The following LRIG2 variants were observed in gnomAD, a reference collection of about 807,000 sequenced individuals.
LRIG2 encodes the protein leucine-rich repeats and immunoglobulin-like domains protein 2.
A neutral mutation model predicts 107.8 loss-of-function variants in LRIG2; 93 were observed. The observed-to-expected ratio is 0.86, with a 90% CI of 0.73 to 1.03. The LOEUF is 1.03. Among genes scored for constraint, LRIG2 ranks in the 50% least tolerant of loss-of-function variants. The pLI is 0.00. For missense variants in LRIG2, 1,226 were observed against 1,296.0 expected, an observed-to-expected ratio of 0.95 and a Z score of 0.83; for synonymous variants, 471 against 470.6, an observed-to-expected ratio of 1.00 and a Z score of -0.01.
chr1:113,098,211 T>C (rs2101040649), intron 8 of LRIG2, among the ~76,000 whole-genome samples: 1 of 152,340 alleles, frequency 6.6e-6, no homozygotes, highest in Middle Eastern at 3.4e-3. Context: ...CCATGGGGCA[T>C]CTTTAATTGC....
At position 113,125,455 on chromosome 1, in the gene LRIG2, T is replaced by TCTCC. The variant is rs35747502; in HGVS notation, c.*1359_*1362dup. 0.22 allele frequency: 33,851 copies of TCTCC among 151,876 alleles called. 4,753 individuals carry two copies. The highest frequency in any genetic ancestry group is 0.41 in the African/African-American group (16,765 of 41,298). 9.4% of individuals were successfully genotyped at this position (151,876 alleles called of 1,614,324 possible). A position where few individuals can be genotyped will look rare whatever the true frequency, so the allele number is the denominator to read the frequency against. ...GGAAATTCCTTTCATTTCCTCCCCCTCTCCCTCCTTCCCTCTTTTTTTTTA... is the reference window on the plus strand; with the variant it reads ...GGAAATTCCTTTCATTTCCTCCCCCTCTCCCTCCCTCCTTCCCTCTTTTTTTTTA... On this transcript the variant is annotated 3_prime_UTR_variant, in exon 18 of 18. Coordinates refer to ENST00000361127, the MANE Select transcript of LRIG2 (RefSeq NM_014813.3).
Position 113,073,559 on chromosome 1 carries a change from T to C in LRIG2, c.153T>C (p.Ile51=), listed in dbSNP as rs756905247. 1 of 1,614,036 alleles carries C rather than the reference T, an allele frequency of 6.2e-7. No homozygotes were observed. The highest frequency in any genetic ancestry group is 1.7e-5 in the Admixed American group (1 of 60,020). ...GCCCCGCGCCCTGCTCCTGCCGCAT[T>C]CCTCTCCTGGACTGCAGTCGCAGGA... ...GLCPAPCSCR[I]PLLDCSRRKL... The change falls in exon 1 of 18, where the codon ATT becomes ATC. Residue 51 remains isoleucine, a synonymous_variant. Transcript: ENST00000361127.
chr1:113,099,255 T>TTTTTTTTTTTTTTCAG (rs59585603), intron 9 of LRIG2, among the ~76,000 whole-genome samples: 1 of 148,668 alleles, frequency 6.7e-6, no homozygotes, highest in Non-Finnish European at 1.5e-5. Context: ...TTTTTTTTTT[T>TTTTTTTTTTTTTTCAG]GAGACAGGGT....
rs1239285805 is a variant in LRIG2 at position 113,119,409 on chromosome 1, G to A, written c.2857G>A (p.Asp953Asn). The change falls in exon 17 of 18, where the codon GAT (aspartate) becomes AAT (asparagine). Residue 953 changes from aspartate to asparagine, a missense_variant. Asp to Asn is a conservative substitution (Grantham distance 23). Transcript: ENST00000361127. ...KETYLVHPPQ[D>N]TTALESLIPS... ...GACATATTTAGTACATCCTCCCCAG[G>A]ATACTACTGCCCTAGAGAGCCTGAT... The A allele has an allele frequency of 6.2e-7, 1 of 1,614,048 alleles. No individual in the cohort carries two copies.
rs556385817 is a variant in LRIG2, at chr1:113,095,820, T to C, written c.804-54T>C. ...GAAAAACTTAAGATTTAAAGCTAGT[T>C]ATTGAACTGCCTTGTTTTGGAACGT... On this transcript the variant is annotated intron_variant, in intron 6 of 17. Transcript: ENST00000361127. 827 of 1,598,802 alleles carry C rather than the reference T, an allele frequency of 5.2e-4. 2 individuals carry two copies. The highest frequency in any genetic ancestry group is 5.9e-4 in the Non-Finnish European group (690 of 1,167,052).
rs146003521 is a variant in LRIG2 at position 113,100,422 on chromosome 1, A to C, written c.1247A>C (p.Asp416Ala). The C allele has an allele frequency of 6.5e-7, 1 of 1,528,196 alleles. No individual in the cohort carries two copies. The highest frequency in any genetic ancestry group is 9.0e-7 in the Non-Finnish European group (1 of 1,106,730). The allele number at this position is 1,528,196 out of a possible 1,614,324, so 94.7% of individuals were successfully genotyped here. Residue 416 changes from aspartate to alanine, a missense_variant and splice_region_variant, in exon 11 of 18, where the codon GAT becomes GCT. Around this residue, in one of 3 missense-constraint regions of LRIG2, gnomAD observed 570 missense variants for 550.2 expected, o/e 1.04. Transcript: ENST00000361127. ...FIGLESLEHL[D>A]LNNNAIMSIQ... Reference sequence around the variant, plus strand: ...TGTTTCATTTCTCTTTATTTCAGAGATTTGAACAATAATGCTATAATGTCT... The same window carrying C: ...TGTTTCATTTCTCTTTATTTCAGAGCTTTGAACAATAATGCTATAATGTCT...
chr1:113,107,481 G>A, intron 11 of LRIG2, 113 bp from the exon 12 acceptor site: 1 of 968,256 alleles, frequency 1.0e-6, no homozygotes, highest in Admixed American at 3.0e-5. Context: ...CATGATTTAT[G>A]TTAAATGTTT....
chr1:113,077,991 T>C (rs1010424275), intron 1 of LRIG2, among the ~76,000 whole-genome samples: 12 of 150,360 alleles, frequency 8.0e-5, no homozygotes, highest in African/African-American at 2.9e-4. Context: ...TGGTGTTTGG[T>C]TTTTTGTCCT....
chr1:113,094,977 T>C (rs1370831040), intron 6 of LRIG2, among the ~76,000 whole-genome samples: 1 of 65,916 alleles, frequency 1.5e-5, no homozygotes, highest in Admixed American at 2.3e-4. Context: ...TTTATATATA[T>C]ATATATATTT....
intron 1 of LRIG2, among the ~76,000 whole-genome samples, chr1:113,076,906 CACAT>C (rs1653003672): frequency 6.6e-6 from 1 of 152,140 alleles, no homozygotes; most frequent in Non-Finnish European, 1.5e-5. Flanking sequence ...TGATTACACA[CACAT>C]ACACAGCATT....
At chr1:113,082,613 G>T (rs1487457405) in intron 1 of LRIG2, among the ~76,000 whole-genome samples, 2 of 152,094 alleles carry the variant, frequency 1.3e-5, no homozygotes, top group Non-Finnish European at 2.9e-5. Context: ...TGTAGGGGAG[G>T]TGTCACGCTA....
chr1:113,108,054 C>G (rs1654612116), intron 12 of LRIG2, among the ~76,000 whole-genome samples: 1 of 151,960 alleles, frequency 6.6e-6, no homozygotes, highest in Admixed American at 6.6e-5. Flanking sequence ...AAAAAGATAG[C>G]ACTAGTTTAA....
chr1:113,102,278 A>AT (rs1557909389), intron 11 of LRIG2, among the ~76,000 whole-genome samples: 23 of 144,892 alleles, frequency 1.6e-4, no homozygotes, highest in Non-Finnish European at 2.0e-4. Flanking sequence ...TTTTTAATTT[A>AT]TTTTTTTTTT....
Position 113,094,766 on chromosome 1 carries a change from G to T in LRIG2, c.803+11G>T. 3.1e-6 allele frequency: 5 copies of T among 1,606,500 alleles called. No individual in the cohort carries two copies. Among genetic ancestry groups the T allele is most frequent in the Non-Finnish European group, 4.3e-6 (5 of 1,174,852 alleles). ...TAACATGGAAGAACTGTAAGTACTC[G>T]GGACTAGAGGTGATTATTAGGAAAG... On this transcript the variant is annotated intron_variant, in intron 6 of 17. Transcript: ENST00000361127.
At position 113,091,340 on chromosome 1, in the gene LRIG2, T is replaced by C. The variant is rs1409826065; in HGVS notation, c.262T>C (p.Ser88Pro). ...AILDFSHNRL[S>P]NWNISLESQT... is the part of the protein sequence containing the mutation. The stretch of plus-strand genomic sequence containing the variant: ...CAGGGATTTCAGTCATAATCGGTTG[T>C]CTAACTGGAACATCAGCTTGGAATC... Residue 88 changes from serine (S) to proline (P), a missense_variant, in exon 2 of 18, where the codon TCT becomes CCT. Physicochemically the swap from Ser to Pro is moderately conservative, Grantham distance 74. Coordinates refer to ENST00000361127, the MANE Select transcript of LRIG2 (RefSeq NM_014813.3). The C allele has an allele frequency of 2.5e-6, 4 of 1,606,856 alleles. No individual in the cohort carries two copies. The highest frequency in any genetic ancestry group is 3.4e-6 in the Non-Finnish European group (4 of 1,175,524).
intron 12 of LRIG2, among the ~76,000 whole-genome samples, chr1:113,108,049 G>A (rs1260012202): frequency 2.0e-5 from 3 of 152,070 alleles, no homozygotes; most frequent in Non-Finnish European, 4.4e-5. Flanking sequence ...TTTCCAAAAA[G>A]ATAGCACTAG....
intron 4 of LRIG2, 108 bp downstream of exon 4, chr1:113,093,672 T>C (rs1286003246): frequency 5.2e-6 from 3 of 577,780 alleles, no homozygotes; most frequent in Non-Finnish European, 8.9e-6. Flanking sequence ...TACCTAATGC[T>C]AGATGACGAG....
Position 113,116,443 on chromosome 1 carries a change from A to C in LRIG2, c.2680+7A>C. 6.3e-7 allele frequency: 1 copy of C among 1,587,564 alleles called. No individual in the cohort carries two copies. The highest frequency in any genetic ancestry group is 8.6e-7 in the Non-Finnish European group (1 of 1,163,182). On this transcript the variant is annotated splice_region_variant and intron_variant, in intron 16 of 17. Coordinates refer to ENST00000361127, the MANE Select transcript of LRIG2 (RefSeq NM_014813.3). ...ATACACAAAGGCACTGACGGTAATG[A>C]CTCTGTTGTTTATGGTTACAATTTC... is the stretch of plus-strand genomic sequence containing the variant.
rs1557912594 is a variant in LRIG2, at chr1:113,107,758, G to C, written c.1477+1G>C. ...GTGGATCTGAAAGATTTTGTCTGTG[G>C]TTTGTATTTTTGTTTTAAAATTTTA... On this transcript the variant is annotated splice_donor_variant, in intron 12 of 17. Coordinates refer to ENST00000361127, the MANE Select transcript of LRIG2 (RefSeq NM_014813.3). LOFTEE classifies it high-confidence loss of function. 6.2e-7 allele frequency: 1 copy of C among 1,610,908 alleles called. No individual in the cohort carries two copies. The highest frequency in any genetic ancestry group is 1.7e-4 in the Middle Eastern group (1 of 6,054).
Sources: gnomAD v4.1 joint callset for allele counts (sites outside exome capture counted in the v4.1 genomes callset) on GRCh38, gnomAD v4.1.1 for gene constraint, gnomAD v4.1.1 regional missense constraint, MANE v1.5 for transcripts, NCBI Gene and HGNC (gene_info 2026-07-23, HGNC 2026-07-21) for gene names.